SOBP: variants seen among roughly 807,000 people sequenced by gnomAD.
The protein encoded by SOBP is sine oculis binding protein homolog, also known as sine oculis-binding protein homolog.
In SOBP, 4 loss-of-function variants were observed where a neutral mutation model predicts 53.6. The observed-to-expected ratio is 0.07, with a 90% CI of 0.04 to 0.17. The LOEUF (loss-of-function observed/expected upper bound fraction) is 0.17, where lower values mean the gene tolerates loss of function less well. SOBP is among the 10% of genes least tolerant of loss of function. The pLI, the probability that SOBP is intolerant of heterozygous loss-of-function variation, is 1.00. For synonymous variants in SOBP, 584 were observed against 522.6 expected, an observed-to-expected ratio of 1.12 and a Z score of -1.60; for missense variants, 1,088 against 1,204.7, an observed-to-expected ratio of 0.90 and a Z score of 1.43.
At chr6:107,587,252 A>G in intron 5 of SOBP, 77 bp downstream of exon 5, 1 of 1,113,294 alleles carries the variant, frequency 9.0e-7, no homozygotes, top group Non-Finnish European at 1.4e-6. Flanking sequence ...GGGTTTGTTC[A>G]TGATTACATA....
chr6:107,527,180 A>G (rs185060202), intron 3 of SOBP, among the ~76,000 whole-genome samples: 213 of 152,358 alleles, frequency 1.4e-3, no homozygotes, highest in African/African-American at 4.7e-3. Context: ...GCACTTAGGA[A>G]GATCCACCCA....
chr6:107,572,622 C>T (rs1168323844), intron 4 of SOBP, among the ~76,000 whole-genome samples: 3 of 152,134 alleles, frequency 2.0e-5, no homozygotes, highest in South Asian at 2.1e-4. Context: ...CACACTTTCT[C>T]GAAATGGTGA....
intron 1 of SOBP, among the ~76,000 whole-genome samples, chr6:107,502,551 C>T (rs535890160): frequency 6.6e-6 from 1 of 152,226 alleles, no homozygotes; most frequent in Admixed American, 6.5e-5. Flanking sequence ...TCCATAACAA[C>T]AGCAACAGTG....
chr6:107,523,619 T>G (rs893659306), intron 3 of SOBP, among the ~76,000 whole-genome samples: 1 of 152,118 alleles, frequency 6.6e-6, no homozygotes, highest in Non-Finnish European at 1.5e-5. Flanking sequence ...TTGCCTCCCC[T>G]AGGAGGTGGC....
chr6:107,596,037 TTGCCAGAGTACAG>T (rs1785934787), intron 5 of SOBP, among the ~76,000 whole-genome samples: 1 of 152,222 alleles, frequency 6.6e-6, no homozygotes, highest in Non-Finnish European at 1.5e-5. Context: ...ACTGAGACTT[TTGCCAGAGTACAG>T]TACTCATTCT....
chr6:107,619,458 A>G (rs918957219), intron 5 of SOBP, among the ~76,000 whole-genome samples: 2 of 152,232 alleles, frequency 1.3e-5, no homozygotes, highest in African/African-American at 4.8e-5. Flanking sequence ...AAAGAAGAGC[A>G]TAGAATATGC....
At chr6:107,611,450 G>T (rs182576147) in intron 5 of SOBP, among the ~76,000 whole-genome samples, 164 of 152,340 alleles carry the variant, frequency 1.1e-3, no homozygotes, top group Non-Finnish European at 9.4e-4. Flanking sequence ...GCCACAGGCT[G>T]CTGTCACTAA....
intron 4 of SOBP, among the ~76,000 whole-genome samples, chr6:107,559,687 A>G (rs1784719786): frequency 1.3e-5 from 2 of 152,190 alleles, no homozygotes; most frequent in South Asian, 4.1e-4. Context: ...TGGTTGGAGT[A>G]ATTATCTTGT....
rs543679840 is a variant in SOBP, at chr6:107,561,534, G to T, written c.574-25546G>T. Among the ~76,000 whole-genome samples the T allele has an allele frequency of 2.6e-5, 4 of 152,256 alleles. No homozygotes were observed. The East Asian group carries it at 7.7e-4, about 29-fold the overall frequency. ...AACAAGTCTGTCTGGGCTTGGCTGGGCCGGGCTGGGCTGGGCCATTTCTCT... is the reference window on the plus strand; with the variant it reads ...AACAAGTCTGTCTGGGCTTGGCTGGTCCGGGCTGGGCTGGGCCATTTCTCT... On this transcript the variant is annotated intron_variant, in intron 4 of 6. Coordinates refer to ENST00000317357, the MANE Select transcript of SOBP (RefSeq NM_018013.4).
chr6:107,512,827 C>T (rs1266535314), intron 3 of SOBP, among the ~76,000 whole-genome samples: 1 of 152,166 alleles, frequency 6.6e-6, no homozygotes, highest in African/African-American at 2.4e-5. Flanking sequence ...AGCTTTCCTG[C>T]TGCAGAAAAC....
chr6:107,654,648 A>C (rs1345901157), intron 6 of SOBP, among the ~76,000 whole-genome samples: 1 of 126,834 alleles, frequency 7.9e-6, no homozygotes, highest in Non-Finnish European at 1.6e-5. Context: ...TTAATACTGA[A>C]GCTCACCCAG....
rs1770949527 is a variant in SOBP, at chr6:107,634,965, C to T, written c.2121C>T (p.Gly707=). 1 of 1,015,656 alleles carries T rather than the reference C, an allele frequency of 9.8e-7. No individual in the cohort carries two copies. 62.9% of individuals were successfully genotyped at this position (1,015,656 alleles called of 1,614,324 possible). ...GCCCGCCCGCCGCCGGCGACCCAGGCCCGGGCGCCCCGGCGGGCCCCGAGG... is the reference window on the plus strand; with the variant it reads ...GCCCGCCCGCCGCCGGCGACCCAGGTCCGGGCGCCCCGGCGGGCCCCGAGG... The part of the protein sequence containing the change: ...HCSPPAAGDP[G]PGAPAGPEAA... Residue 707 remains glycine (G), a synonymous_variant, in exon 6 of 7, where the codon GGC becomes GGT. Transcript: ENST00000317357. This position sits in a 1 kb window ranked among gnomAD's most constrained non-coding sequence, Gnocchi z 4.5.
At chr6:107,646,328 A>T (rs1485046471) in intron 6 of SOBP, among the ~76,000 whole-genome samples, 1 of 152,222 alleles carries the variant, frequency 6.6e-6, no homozygotes, top group Admixed American at 6.5e-5. Flanking sequence ...AAATCTCACA[A>T]TCAACAGACC....
chr6:107,639,251 A>G (rs1218775059), intron 6 of SOBP, among the ~76,000 whole-genome samples: 1 of 152,228 alleles, frequency 6.6e-6, no homozygotes, highest in Non-Finnish European at 1.5e-5. Context: ...AAGCAGACCA[A>G]AGTATCTAGA....
intron 3 of SOBP, among the ~76,000 whole-genome samples, chr6:107,531,316 A>G (rs1464161777): frequency 6.6e-6 from 1 of 152,210 alleles, no homozygotes; most frequent in Admixed American, 6.5e-5. Flanking sequence ...TTTCACCAGA[A>G]TCAAGCTTAC....
intron 1 of SOBP, among the ~76,000 whole-genome samples, chr6:107,493,321 C>T (rs929226013): frequency 4.6e-5 from 7 of 152,060 alleles, no homozygotes; most frequent in Non-Finnish European, 8.8e-5. Flanking sequence ...CACTGCCCGG[C>T]AGAAAGAAAG....
chr6:107,625,038 G>C (rs997356433), intron 5 of SOBP, among the ~76,000 whole-genome samples: 2 of 152,170 alleles, frequency 1.3e-5, no homozygotes, highest in Non-Finnish European at 2.9e-5. Flanking sequence ...AGGTAATCTT[G>C]AGCAAGTTAT....
intron 4 of SOBP, among the ~76,000 whole-genome samples, chr6:107,576,915 A>G (rs925943042): frequency 3.3e-5 from 5 of 152,228 alleles, no homozygotes; most frequent in African/African-American, 1.2e-4. Context: ...CAATTGTGAC[A>G]TCATGTCTTT....
At chr6:107,648,926 G>A (rs896513005) in intron 6 of SOBP, among the ~76,000 whole-genome samples, 4 of 152,096 alleles carry the variant, frequency 2.6e-5, no homozygotes, top group Non-Finnish European at 5.9e-5. Flanking sequence ...CTCCTAGTCT[G>A]GGCACAGCGG....
Sources: gnomAD v4.1 joint callset for allele counts (sites outside exome capture counted in the v4.1 genomes callset) on GRCh38, gnomAD v4.1.1 for gene constraint, Gnocchi (gnomAD v3.1) non-coding constraint, MANE v1.5 for transcripts, NCBI Gene and HGNC (gene_info 2026-07-23, HGNC 2026-07-21) for gene names.